DAB1: variants seen among roughly 807,000 people sequenced by gnomAD.
The protein encoded by DAB1 is disabled homolog 1.
DAB1 carries 15 observed loss-of-function variants against 64.6 expected under a neutral mutation model. The ratio of observed to expected loss-of-function variants is 0.23; its 90% CI spans 0.16 to 0.36. The LOEUF is 0.36. DAB1 is among the 10% of genes least tolerant of loss of function. The pLI is 1.00. For missense variants in DAB1, 596 were observed against 706.7 expected, an observed-to-expected ratio of 0.84 and a Z score of 1.78; for synonymous variants, 235 against 251.9, an observed-to-expected ratio of 0.93 and a Z score of 0.64.
chr1:57,163,760 T>C (rs946617490), intron 2 of DAB1, among the ~76,000 whole-genome samples: 1 of 152,018 alleles, frequency 6.6e-6, no homozygotes. Context: ...AAAGGGATTA[T>C]TTTTAGATTG....
At chr1:58,512,481 A>C (rs1569923555) in intron 2 of DAB1, among the ~76,000 whole-genome samples, 1 of 152,230 alleles carries the variant, frequency 6.6e-6, no homozygotes, top group Non-Finnish European at 1.5e-5. Context: ...ACAATAGCCA[A>C]GATGTGGAAA....
At chr1:58,279,474 T>A (rs117388414) in intron 4 of DAB1, among the ~76,000 whole-genome samples, 2,689 of 152,324 alleles carry the variant, frequency 0.018, 39 homozygotes, top group East Asian at 0.041. Context: ...TGCCATGAAT[T>A]ATAATAAGCA....
At chr1:58,490,106 A>G (rs1361814379) in intron 3 of DAB1, among the ~76,000 whole-genome samples, 1 of 152,258 alleles carries the variant, frequency 6.6e-6, no homozygotes, top group Non-Finnish European at 1.5e-5. Context: ...GACTTTGACG[A>G]GTTGAGAGAA....
intron 5 of DAB1, among the ~76,000 whole-genome samples, chr1:57,952,530 G>A (rs1433370950): frequency 6.6e-6 from 1 of 152,076 alleles, no homozygotes; most frequent in African/African-American, 2.4e-5. Flanking sequence ...GAAAAGGAAT[G>A]GGTCTGAGTG....
At chr1:57,522,827 T>G (rs1430249194) in intron 7 of DAB1, among the ~76,000 whole-genome samples, 1 of 152,186 alleles carries the variant, frequency 6.6e-6, no homozygotes, top group Non-Finnish European at 1.5e-5. Context: ...CAGAAGAATG[T>G]GAAAGGACTA....
At chr1:57,989,726 C>T (rs560503881) in intron 5 of DAB1, among the ~76,000 whole-genome samples, 84 of 152,144 alleles carry the variant, frequency 5.5e-4, no homozygotes, top group Non-Finnish European at 1.1e-3. Context: ...GAAGTAATTG[C>T]CACAAAAAAG....
intron 3 of DAB1, among the ~76,000 whole-genome samples, chr1:58,493,263 A>G (rs993595049): frequency 6.6e-6 from 1 of 152,248 alleles, no homozygotes; most frequent in Non-Finnish European, 1.5e-5. Flanking sequence ...GATGGGACGT[A>G]TCTCAAAATA....
Position 57,600,499 on chromosome 1 carries a change from T to C in DAB1, n.625+49093A>G, listed in dbSNP as rs1440618881. Among the ~76,000 whole-genome samples the C allele has an allele frequency of 6.6e-5, 10 of 152,156 alleles. 1 individual carries two copies. On this transcript the variant is annotated intron_variant and non_coding_transcript_variant, in intron 7 of 20. Transcript: ENST00000485760. Reference sequence around the variant, plus strand: ...CAGGTGCCTGGGAGCAAGGGTACCATAGCCAATGCTGCTTGTGGGTCAGGA... The same window carrying C: ...CAGGTGCCTGGGAGCAAGGGTACCACAGCCAATGCTGCTTGTGGGTCAGGA...
At chr1:57,717,278 A>G (rs1647095562) in intron 6 of DAB1, among the ~76,000 whole-genome samples, 1 of 151,818 alleles carries the variant, frequency 6.6e-6, no homozygotes, top group South Asian at 2.1e-4. Context: ...AAAAAAAAAG[A>G]AAGAAAGAAG....
chr1:57,733,476 A>G lies in DAB1; in HGVS notation n.552-83811T>C, dbSNP rs536276141. On this transcript the variant is annotated intron_variant and non_coding_transcript_variant, in intron 6 of 20. Transcript: ENST00000485760. ...TGAAAGAATGAAGCAAGCACTTAAT[A>G]TGTAAGAAGACTTATGCTAAGCCAG... 7.2e-4 allele frequency among the ~76,000 whole-genome samples: 109 copies of G among 152,164 alleles called. 1 individual carries two copies. Among genetic ancestry groups the G allele is most frequent in the Non-Finnish European group, 4.4e-5 (3 of 68,012 alleles).
chr1:57,435,740 G>C (rs1262417358), intron 7 of DAB1, among the ~76,000 whole-genome samples: 2 of 152,056 alleles, frequency 1.3e-5, no homozygotes, highest in African/African-American at 4.8e-5. Context: ...AATGCCTCTT[G>C]AAGGGCCTGC....
At chr1:57,316,021 A>G (rs557194199) in intron 1 of DAB1, among the ~76,000 whole-genome samples, 18 of 152,180 alleles carry the variant, frequency 1.2e-4, no homozygotes, top group Non-Finnish European at 2.5e-4. Context: ...TACCACCCCA[A>G]TTTAAAGATC....
At chr1:58,461,784 A>G (rs910826714) in intron 3 of DAB1, among the ~76,000 whole-genome samples, 1 of 152,212 alleles carries the variant, frequency 6.6e-6, no homozygotes, top group Non-Finnish European at 1.5e-5. Flanking sequence ...TTTATTTTCT[A>G]TCCTGATGAG....
intron 7 of DAB1, among the ~76,000 whole-genome samples, chr1:57,510,087 T>C (rs2101345603): frequency 6.6e-6 from 1 of 152,270 alleles, no homozygotes; most frequent in South Asian, 2.1e-4. Context: ...ATGACAATAG[T>C]TTGCCTTTGT....
chr1:57,516,629 AAG>A (rs1644466937), intron 7 of DAB1, among the ~76,000 whole-genome samples: 8 of 152,140 alleles, frequency 5.3e-5, no homozygotes, highest in Non-Finnish European at 1.5e-5. Context: ...CTACAGAATG[AAG>A]TTCATCATAA....
At chr1:57,254,421 T>C (rs1287567826) in intron 2 of DAB1, among the ~76,000 whole-genome samples, 1 of 152,264 alleles carries the variant, frequency 6.6e-6, no homozygotes, top group African/African-American at 2.4e-5. Flanking sequence ...AAAGCAGCTA[T>C]TTTTAAATAA....
At chr1:58,519,457 C>T (rs553360621) in intron 2 of DAB1, among the ~76,000 whole-genome samples, 5 of 152,252 alleles carry the variant, frequency 3.3e-5, no homozygotes, top group African/African-American at 1.2e-4. Context: ...AGATCGCTGT[C>T]CTACAATCTT....
chr1:57,362,240 T>A (rs1163365899), intron 1 of DAB1, among the ~76,000 whole-genome samples: 1 of 152,166 alleles, frequency 6.6e-6, no homozygotes. Flanking sequence ...ACTACCTACT[T>A]TGAACAGCAA....
chr1:58,231,357 T>A (rs1408554298), intron 4 of DAB1, among the ~76,000 whole-genome samples: 1 of 152,188 alleles, frequency 6.6e-6, no homozygotes, highest in Non-Finnish European at 1.5e-5. Flanking sequence ...CAGGACTGTT[T>A]CAAAGACAAT....
Sources: allele counts gnomAD v4.1 joint callset (sites outside exome capture counted in the v4.1 genomes callset), GRCh38; gene constraint gnomAD v4.1.1; transcripts MANE v1.5; gene names NCBI Gene and HGNC (gene_info 2026-07-23, HGNC 2026-07-21).